SLC24A2: variants seen among roughly 807,000 people sequenced by gnomAD.
SLC24A2 encodes solute carrier family 24 member 2.
In SLC24A2, 36 loss-of-function variants were observed where a neutral mutation model predicts 62.0. The observed-to-expected ratio is 0.58, with a 90% CI of 0.44 to 0.77. The LOEUF is 0.77. SLC24A2 is among the 30% of genes least tolerant of loss of function. The pLI is 0.00. For synonymous variants in SLC24A2, 358 were observed against 294.0 expected (o/e 1.22, Z -2.23); for missense variants, 846 against 817.9 (o/e 1.03, Z -0.42).
chr9:19,954,257 C>T, the SLC24A2 span, among the ~76,000 whole-genome samples: 1 of 151,982 alleles, frequency 6.6e-6, no homozygotes, highest in Non-Finnish European at 1.5e-5. Context: ...CCTGGGGATA[C>T]CTCTACTGCA....
chr9:19,762,584 G>C (rs1587286328), intron 2 of SLC24A2, among the ~76,000 whole-genome samples: 2 of 152,088 alleles, frequency 1.3e-5, no homozygotes, highest in South Asian at 4.1e-4. Flanking sequence ...CCCATTGCTT[G>C]TTTTTGTCAC....
At position 19,520,284 on chromosome 9, in the gene SLC24A2, G is replaced by C. The variant is rs568227870; in HGVS notation, c.1736+610C>G. Among the ~76,000 whole-genome samples, 3 of 152,268 alleles carry C rather than the reference G, an allele frequency of 2.0e-5. No homozygotes were observed. In the East Asian group the frequency reaches 5.8e-4, roughly 29 times the overall value. On this transcript the variant is annotated intron_variant, in intron 10 of 10. Coordinates refer to ENST00000341998, the MANE Select transcript of SLC24A2 (RefSeq NM_020344.4). ...TACTTTTGACAAGTTAAATAAAATG[G>C]TGGAGATCGCAGCACCTCTCCCCAG... is the stretch of plus-strand genomic sequence containing the variant.
chr9:20,101,473 G>T, the SLC24A2 span, among the ~76,000 whole-genome samples: 1 of 152,224 alleles, frequency 6.6e-6, no homozygotes, highest in Non-Finnish European at 1.5e-5. Context: ...TATTAAAACA[G>T]CCTCCTTAGT....
the SLC24A2 span, among the ~76,000 whole-genome samples, chr9:19,796,798 C>A: frequency 6.6e-6 from 1 of 152,068 alleles, no homozygotes; most frequent in Non-Finnish European, 1.5e-5. Flanking sequence ...ATCTTTAAGT[C>A]TTTTTACTTG....
chr9:19,711,923 C>T (rs1820726386), intron 2 of SLC24A2, among the ~76,000 whole-genome samples: 1 of 152,112 alleles, frequency 6.6e-6, no homozygotes, highest in Admixed American at 6.5e-5. Context: ...CTTCAGGATC[C>T]CCTATGAACC....
chr9:19,517,945 A>ACC (rs796253909), intron 10 of SLC24A2, among the ~76,000 whole-genome samples: 8 of 149,464 alleles, frequency 5.4e-5, no homozygotes, highest in Non-Finnish European at 1.0e-4. Context: ...ACACACACAC[A>ACC]CACACACACA....
chr9:19,729,058 G>T (rs1408698897), intron 2 of SLC24A2, among the ~76,000 whole-genome samples: 4 of 152,054 alleles, frequency 2.6e-5, no homozygotes, highest in Admixed American at 2.0e-4. Flanking sequence ...AATGTCTGGT[G>T]CATGAATAAG....
In SLC24A2 at chr9:19,513,566, G is replaced by C. The variant is rs1024524133; in HGVS notation, c.*2587C>G. 5.3e-5 allele frequency: 8 copies of C among 152,058 alleles called. No homozygotes were observed. Among genetic ancestry groups the C allele is most frequent in the Admixed American group, 3.3e-4 (5 of 15,264 alleles). 9.4% of individuals were successfully genotyped at this position (152,058 alleles called of 1,614,324 possible). ...CACTTCCTGTGAAGTGGAGCTCCGA[G>C]ACAAGCAAAGGGCACCATAGCTGCT... On this transcript the variant is annotated 3_prime_UTR_variant, in exon 11 of 11. Coordinates refer to ENST00000341998, the MANE Select transcript of SLC24A2 (RefSeq NM_020344.4).
chr9:19,938,768 A>G, the SLC24A2 span, among the ~76,000 whole-genome samples: 3 of 152,282 alleles, frequency 2.0e-5, no homozygotes, highest in South Asian at 6.2e-4. Context: ...TTAATAATGT[A>G]TATATTTTCC....
the SLC24A2 span, among the ~76,000 whole-genome samples, chr9:20,151,824 C>T: frequency 6.6e-6 from 1 of 151,692 alleles, no homozygotes; most frequent in Non-Finnish European, 1.5e-5. Flanking sequence ...AATCTTTCCC[C>T]TACTAGATCC....
the SLC24A2 span, among the ~76,000 whole-genome samples, chr9:19,884,567 A>G: frequency 6.6e-6 from 1 of 152,196 alleles, no homozygotes. Context: ...GCTTATGTAT[A>G]TATGTATATA....
the SLC24A2 span, among the ~76,000 whole-genome samples, chr9:20,004,122 T>A: frequency 6.6e-6 from 1 of 152,316 alleles, no homozygotes; most frequent in Middle Eastern, 3.4e-3. Context: ...AAAACAGGTA[T>A]AGACACAGAC....
chr9:19,678,800 G>A (rs1163626327), intron 2 of SLC24A2, among the ~76,000 whole-genome samples: 1 of 152,278 alleles, frequency 6.6e-6, no homozygotes, highest in South Asian at 2.1e-4. Context: ...AGACAATAAT[G>A]GGTTTCTTCT....
At chr9:19,561,072 CCA>C (rs1359573641) in intron 7 of SLC24A2, among the ~76,000 whole-genome samples, 2 of 151,814 alleles carry the variant, frequency 1.3e-5, no homozygotes, top group East Asian at 3.9e-4. Context: ...ATTACAGGTG[CCA>C]GCCACCACAC....
chr9:19,698,967 C>A (rs1406099463), intron 2 of SLC24A2, among the ~76,000 whole-genome samples: 1 of 152,146 alleles, frequency 6.6e-6, no homozygotes, highest in Non-Finnish European at 1.5e-5. Flanking sequence ...AGGCCAAAAT[C>A]AGAATATATG....
the SLC24A2 span, among the ~76,000 whole-genome samples, chr9:20,072,741 C>A: frequency 5.3e-5 from 8 of 151,784 alleles, no homozygotes; most frequent in Non-Finnish European, 1.2e-4. Flanking sequence ...AGTAGAGTCC[C>A]ACCCTTTGAA....
the SLC24A2 span, among the ~76,000 whole-genome samples, chr9:19,854,828 C>T: frequency 6.6e-6 from 1 of 152,098 alleles, no homozygotes; most frequent in South Asian, 2.1e-4. Context: ...GAGCTGAGCT[C>T]AAGTCCTGAA....
intron 2 of SLC24A2, among the ~76,000 whole-genome samples, chr9:19,627,558 T>G (rs1272363966): frequency 6.6e-6 from 1 of 152,156 alleles, no homozygotes; most frequent in Non-Finnish European, 1.5e-5. Flanking sequence ...AGGCTTGCTC[T>G]GTTGTTGCCC....
chr9:19,547,640 A>AT (rs1834647811), intron 8 of SLC24A2, among the ~76,000 whole-genome samples: 1 of 151,520 alleles, frequency 6.6e-6, no homozygotes, highest in Middle Eastern at 3.4e-3. Context: ...TCTTCCTCCC[A>AT]TTCCTGCACA....
Sources: allele counts gnomAD v4.1 joint callset (sites outside exome capture counted in the v4.1 genomes callset), GRCh38; gene constraint gnomAD v4.1.1; transcripts MANE v1.5; gene names NCBI Gene and HGNC (gene_info 2026-07-23, HGNC 2026-07-21).